The following CSMD1 variants were observed in gnomAD, a reference collection of about 807,000 sequenced individuals.
The protein encoded by CSMD1 is CUB and Sushi multiple domains 1.
In CSMD1, 213 loss-of-function variants were observed where a neutral mutation model predicts 417.5. That is an observed-to-expected ratio of 0.51 (90% CI 0.46 to 0.57). CSMD1 has a LOEUF of 0.57. CSMD1 is among the 20% of genes least tolerant of loss of function. The pLI, the probability that CSMD1 is intolerant of heterozygous loss-of-function variation, is 0.00. For missense variants in CSMD1, 6,923 were observed against 4,529.7 expected, an observed-to-expected ratio of 1.53 and a Z score of -15.17; for synonymous variants, 2,862 against 1,736.8, an observed-to-expected ratio of 1.65 and a Z score of -16.11.
chr8:4,467,692 G>C (rs1377718439), intron 2 of CSMD1, among the ~76,000 whole-genome samples: 3 of 152,074 alleles, frequency 2.0e-5, no homozygotes, highest in Admixed American at 1.3e-4. Flanking sequence ...AATAGGGTTG[G>C]ACAAGCTATT....
intron 40 of CSMD1, among the ~76,000 whole-genome samples, chr8:3,149,033 A>AT (rs983150406): frequency 2.0e-5 from 3 of 152,248 alleles, no homozygotes; most frequent in East Asian, 1.9e-4. Context: ...GCAATATCCA[A>AT]TTTTTTTAAG....
At chr8:3,539,877 T>A (rs1167614531) in intron 10 of CSMD1, among the ~76,000 whole-genome samples, 4 of 152,196 alleles carry the variant, frequency 2.6e-5, no homozygotes, top group Admixed American at 2.6e-4. Flanking sequence ...CCAAACGAAC[T>A]TAGAAAACGG....
intron 2 of CSMD1, among the ~76,000 whole-genome samples, chr8:4,548,168 C>G (rs1797714656): frequency 6.6e-6 from 1 of 152,066 alleles, no homozygotes; most frequent in South Asian, 2.1e-4. Flanking sequence ...TTGGAGACTC[C>G]TACAAGAGCT....
intron 1 of CSMD1, among the ~76,000 whole-genome samples, chr8:4,655,509 A>G (rs1169906000): frequency 6.6e-6 from 1 of 152,190 alleles, no homozygotes; most frequent in Non-Finnish European, 1.5e-5. Flanking sequence ...ATCAGAATTT[A>G]AGAGGATCTC....
chr8:4,168,730 A>G (rs948837733), intron 3 of CSMD1, among the ~76,000 whole-genome samples: 1 of 152,162 alleles, frequency 6.6e-6, no homozygotes, highest in Non-Finnish European at 1.5e-5. Context: ...CCCAACTCTT[A>G]GACCTCATTG....
At chr8:3,167,275 C>G (rs1379475525) in intron 37 of CSMD1, among the ~76,000 whole-genome samples, 3 of 138,632 alleles carry the variant, frequency 2.2e-5, no homozygotes, top group South Asian at 2.6e-4. Flanking sequence ...CAGAGCAAGA[C>G]TCCAACTTGG....
chr8:4,914,704 T>C (rs1805935421), intron 1 of CSMD1, among the ~76,000 whole-genome samples: 2 of 152,116 alleles, frequency 1.3e-5, no homozygotes, highest in African/African-American at 4.8e-5. Context: ...GAAAAGGAAA[T>C]TAGTAATAAA....
In CSMD1 at chr8:3,637,297, A is replaced by G. The variant is rs535049808; in HGVS notation, c.1010-20500T>C. Among the ~76,000 whole-genome samples the G allele has an allele frequency of 5.9e-5, 9 of 152,220 alleles. No homozygotes were observed. The East Asian group carries it at 1.7e-3, about 30-fold the overall frequency. The stretch of plus-strand genomic sequence containing the variant: ...CTTGCTAGTTGTGTATGCTTGGGGG[A>G]GTTTCATAAACAATCTATGTCTAAG... On this transcript the variant is annotated intron_variant, in intron 7 of 69. Transcript: ENST00000635120.
chr8:4,550,190 G>C (rs534979003), intron 2 of CSMD1, among the ~76,000 whole-genome samples: 6 of 152,012 alleles, frequency 3.9e-5, no homozygotes, highest in South Asian at 4.2e-4. Flanking sequence ...GGGATGTGCT[G>C]TGTGCAACTT....
chr8:4,798,385 C>A (rs1272617588), intron 1 of CSMD1, among the ~76,000 whole-genome samples: 82 of 152,170 alleles, frequency 5.4e-4, no homozygotes, highest in Non-Finnish European at 2.9e-5. Context: ...TGTATATGTG[C>A]ATTTTTAATG....
At chr8:4,119,539 G>A (rs979174247) in intron 3 of CSMD1, among the ~76,000 whole-genome samples, 2 of 152,050 alleles carry the variant, frequency 1.3e-5, no homozygotes. Context: ...AAATAACCAA[G>A]TTTAGATGAG....
At chr8:4,404,102 G>T (rs1310507838) in intron 3 of CSMD1, among the ~76,000 whole-genome samples, 4 of 152,132 alleles carry the variant, frequency 2.6e-5, no homozygotes, top group Non-Finnish European at 5.9e-5. Context: ...TTAGGGAATG[G>T]TATTTCTCCA....
intron 3 of CSMD1, among the ~76,000 whole-genome samples, chr8:4,338,757 A>T (rs995833953): frequency 1.3e-5 from 2 of 152,094 alleles, no homozygotes; most frequent in Admixed American, 1.3e-4. Flanking sequence ...CGAATATTAA[A>T]TTCTCCTTGA....
At chr8:3,436,208 A>G (rs774283677) in intron 12 of CSMD1, among the ~76,000 whole-genome samples, 21 of 152,278 alleles carry the variant, frequency 1.4e-4, no homozygotes, top group Admixed American at 3.3e-4. Context: ...AAGATGCTTA[A>G]TTACTTCATA....
intron 3 of CSMD1, among the ~76,000 whole-genome samples, chr8:4,268,125 G>C (rs906295490): frequency 6.6e-6 from 1 of 152,086 alleles, no homozygotes; most frequent in Admixed American, 6.6e-5. Context: ...TATTGACACT[G>C]TTAAACATAT....
At chr8:3,520,884 C>A (rs1404946872) in intron 10 of CSMD1, among the ~76,000 whole-genome samples, 2 of 152,160 alleles carry the variant, frequency 1.3e-5, no homozygotes, top group Non-Finnish European at 2.9e-5. Context: ...ACCCTTGTGT[C>A]TAGCACTGGA....
intron 60 of CSMD1, among the ~76,000 whole-genome samples, chr8:2,962,987 G>A (rs903651148): frequency 2.0e-5 from 3 of 152,200 alleles, no homozygotes; most frequent in African/African-American, 7.2e-5. Flanking sequence ...GATTGAGGCT[G>A]CAGGGAGCTA....
chr8:4,187,585 A>C (rs1798758463), intron 3 of CSMD1, among the ~76,000 whole-genome samples: 1 of 148,920 alleles, frequency 6.7e-6, no homozygotes, highest in African/African-American at 2.5e-5. Flanking sequence ...CTAATGTAGG[A>C]GAATCGCTTG....
chr8:4,704,862 G>A (rs987595848), intron 1 of CSMD1, among the ~76,000 whole-genome samples: 1 of 152,128 alleles, frequency 6.6e-6, no homozygotes, highest in African/African-American at 2.4e-5. Context: ...ACACCCTAGA[G>A]AAGGCTCCAA....
Sources: gnomAD v4.1 joint callset for allele counts (sites outside exome capture counted in the v4.1 genomes callset) on GRCh38, gnomAD v4.1.1 for gene constraint, MANE v1.5 for transcripts, NCBI Gene and HGNC (gene_info 2026-07-23, HGNC 2026-07-21) for gene names.